Variants in KIF5B observed in about 807,000 individuals in gnomAD.
KIF5B encodes kinesin-1 heavy chain.
Under a neutral mutation model 132.8 loss-of-function variants are expected in KIF5B, and 49 were observed. The observed-to-expected ratio is 0.37, with a 90% confidence interval of 0.29 to 0.47. The LOEUF is 0.47. Among genes scored for constraint, KIF5B ranks in the 20% least tolerant of loss-of-function variants. The pLI is 1.00. For missense variants in KIF5B, 780 were observed against 1,144.0 expected (o/e 0.68, Z 4.59); for synonymous variants, 355 against 369.4 (o/e 0.96, Z 0.45).
chr10:32,043,964 T>A (rs1841576457), intron 2 of KIF5B, among the ~76,000 whole-genome samples: 1 of 152,220 alleles, frequency 6.6e-6, no homozygotes, highest in East Asian at 1.9e-4. Context: ...TCATCCAATC[T>A]GTTTAACAAT....
intron 25 of KIF5B, among the ~76,000 whole-genome samples, chr10:32,012,854 G>C (rs764169110): frequency 6.6e-6 from 1 of 151,548 alleles, no homozygotes. Flanking sequence ...GAAAAGGCTT[G>C]CATCTACTGA....
At chr10:32,038,616 A>G (rs211281) in intron 5 of KIF5B, among the ~76,000 whole-genome samples, 162 bp downstream of exon 5, 30,420 of 152,118 alleles carry the variant, frequency 0.2, 3,293 homozygotes, top group Non-Finnish European at 0.25. Flanking sequence ...TAGTTATTCT[A>G]TTTAAAGGTA....
Position 32,034,728 on chromosome 10 carries a change from A to G in KIF5B, c.1073T>C (p.Ile358Thr), listed in dbSNP as rs1205338615. 32 of 1,606,822 alleles carry G rather than the reference A, an allele frequency of 2.0e-5. No individual in the cohort carries two copies. Among genetic ancestry groups the G allele is most frequent in the Non-Finnish European group, 2.7e-5 (32 of 1,177,182 alleles). The change falls in exon 11 of 26, where the codon ATT becomes ACT. Residue 358 changes from isoleucine to threonine, a missense_variant. Transcript: ENST00000302418. ...GTTGAGCTCATTTTCAAGCCACTGA[A>G]TAGTGTTCCGCAGGATCTTATTTTT... ...KEKNKILRNT[I>T]QWLENELNRW...
chr10:32,015,968 A>T (rs1841153907), intron 24 of KIF5B, among the ~76,000 whole-genome samples: 2 of 151,860 alleles, frequency 1.3e-5, no homozygotes, highest in Non-Finnish European at 2.9e-5. Context: ...ATAAGGCAAA[A>T]CCCTGTCTCT....
chr10:32,039,737 C>T (rs2132606898), intron 3 of KIF5B, among the ~76,000 whole-genome samples: 1 of 152,184 alleles, frequency 6.6e-6, no homozygotes, highest in Middle Eastern at 3.4e-3. Context: ...CCATATAATT[C>T]TACATTGTTC....
intron 25 of KIF5B, among the ~76,000 whole-genome samples, 151 bp from the exon 26 acceptor site, chr10:32,011,667 A>G (rs1841082841): frequency 6.6e-6 from 1 of 152,180 alleles, no homozygotes; most frequent in Admixed American, 6.5e-5. Context: ...CCAAAATTAG[A>G]AGGATGGCAA....
At chr10:32,048,770 T>C (rs1291168934) in intron 1 of KIF5B, among the ~76,000 whole-genome samples, 4 of 152,200 alleles carry the variant, frequency 2.6e-5, no homozygotes, top group African/African-American at 4.8e-5. Flanking sequence ...CTTTGCTGCA[T>C]TCCCAGGGCC....
chr10:32,024,327 T>G (rs1424437989), intron 15 of KIF5B, among the ~76,000 whole-genome samples: 4 of 145,902 alleles, frequency 2.7e-5, no homozygotes, highest in Non-Finnish European at 6.1e-5. Flanking sequence ...GCTAATTTTT[T>G]GTATTTTTAG....
At chr10:32,053,729 C>CA (rs34020073) in intron 1 of KIF5B, among the ~76,000 whole-genome samples, 14,496 of 130,032 alleles carry the variant, frequency 0.11, 798 homozygotes, top group Non-Finnish European at 0.14. Flanking sequence ...AAAAATATCT[C>CA]AAAAAAAAAA....
chr10:32,044,254 T>C (rs770778493), intron 2 of KIF5B, among the ~76,000 whole-genome samples: 2 of 152,248 alleles, frequency 1.3e-5, no homozygotes, highest in African/African-American at 2.4e-5. Context: ...AAAGAGATTA[T>C]GATAGAAACC....
At chr10:32,035,371 G>A in intron 10 of KIF5B, 151 bp downstream of exon 10, 1 of 562,752 alleles carries the variant, frequency 1.8e-6, no homozygotes, top group Non-Finnish European at 2.9e-6. Context: ...CTAAAAATCA[G>A]ACCCACCTTG....
Position 32,021,279 on chromosome 10 carries a change from G to C in KIF5B, c.2041C>G (p.His681Asp). 6.2e-7 allele frequency: 1 copy of C among 1,611,078 alleles called. No homozygotes were observed. Among genetic ancestry groups the C allele is most frequent in the South Asian group, 1.1e-5 (1 of 90,966 alleles). Residue 681 changes from histidine to aspartate, a missense_variant, in exon 18 of 26, where the codon CAT becomes GAT. Transcript: ENST00000302418. ...LVQLRAQEKV[H>D]EMEKEHLNKV... ...TTTAAGTGCTCCTTTTCCATTTCAT[G>C]GACTTTCTCTGTTTGAATAGAGAGA...
In KIF5B at chr10:32,019,919, C is replaced by A; in HGVS notation, c.2245G>T (p.Val749Leu). Residue 749 changes from valine (V) to leucine (L), a missense_variant, in exon 20 of 26, where the codon GTA becomes TTA. Physicochemically the swap from Val to Leu is conservative, Grantham distance 32. This residue lies in a region of KIF5B where 471 missense variants were observed against 569.9 expected (regional missense o/e 0.83). Transcript: ENST00000302418. Reference sequence around the variant, plus strand: ...GTGGCTTTCAACTTCTCATGTTCTACTCTTAGACGTTCCTGCTCTAACATC... The same window carrying A: ...GTGGCTTTCAACTTCTCATGTTCTAATCTTAGACGTTCCTGCTCTAACATC... The part of the protein sequence containing the change: ...KMMLEQERLR[V>L]EHEKLKATDQ... 1 of 1,612,452 alleles carries A rather than the reference C, an allele frequency of 6.2e-7. No homozygotes were observed. The highest frequency in any genetic ancestry group is 8.5e-7 in the Non-Finnish European group (1 of 1,179,540).
chr10:32,055,013 T>G (rs1443462267), intron 1 of KIF5B, among the ~76,000 whole-genome samples: 1 of 152,228 alleles, frequency 6.6e-6, no homozygotes, highest in African/African-American at 2.4e-5. Flanking sequence ...TTTTATAAGT[T>G]TGTTTTTATA....
rs766720739 is a variant in KIF5B, at chr10:32,028,519, T to C, written c.1634A>G (p.Asn545Ser). ...AELQKLKEMTNHQKKRAAEMM... is the reference protein window; with the variant it reads ...AELQKLKEMTSHQKKRAAEMM... ...CTCAGCTGCTCGTTTTTTCTGGTGG[T>C]TGGTCATTTCCTTAAGTTTCTGAAG... is the stretch of plus-strand genomic sequence containing the variant. The change falls in exon 15 of 26, where the codon AAC becomes AGC. Residue 545 changes from asparagine (N) to serine (S), a missense_variant. Transcript: ENST00000302418. The C allele has an allele frequency of 6.2e-7, 1 of 1,614,070 alleles. No homozygotes were observed. Among genetic ancestry groups the C allele is most frequent in the South Asian group, 1.1e-5 (1 of 91,078 alleles).
chr10:32,034,983 C>T, intron 10 of KIF5B, 145 bp from the exon 11 acceptor site: 4 of 515,466 alleles, frequency 7.8e-6, no homozygotes, highest in Non-Finnish European at 1.2e-5. Flanking sequence ...CAACATATGA[C>T]GTTATTTACA....
intron 17 of KIF5B, among the ~76,000 whole-genome samples, chr10:32,021,508 T>TG (rs1284737629): frequency 2.6e-5 from 4 of 151,340 alleles, no homozygotes; most frequent in Non-Finnish European, 5.9e-5. Flanking sequence ...TTGTTTGGTT[T>TG]TTTTTTTTTT....
chr10:32,023,094 C>T (rs1841287201), intron 15 of KIF5B, 58 bp from the exon 16 acceptor site: 2 of 882,392 alleles, frequency 2.3e-6, no homozygotes, highest in African/African-American at 3.4e-5. Flanking sequence ...GTGTGTTTTC[C>T]CAATTAGGCT....
intron 1 of KIF5B, among the ~76,000 whole-genome samples, chr10:32,049,483 A>G (rs889837971): frequency 6.6e-6 from 1 of 152,164 alleles, no homozygotes; most frequent in African/African-American, 2.4e-5. Context: ...AAAGTAGTCT[A>G]GGCACTGGGA....
Sources: allele counts gnomAD v4.1 joint callset (sites outside exome capture counted in the v4.1 genomes callset), GRCh38; gene constraint gnomAD v4.1.1; regional missense constraint gnomAD v4.1.1; transcripts MANE v1.5; gene names NCBI Gene and HGNC (gene_info 2026-07-23, HGNC 2026-07-21).